The following SLC38A8 variants were observed in gnomAD, a reference collection of about 807,000 sequenced individuals.
SLC38A8 encodes the protein solute carrier family 38 member 8.
A neutral mutation model predicts 46.0 loss-of-function variants in SLC38A8; 65 were observed. That is an observed-to-expected ratio of 1.41 (90% CI 1.16 to 1.74). The LOEUF (loss-of-function observed/expected upper bound fraction) is 1.74. Among genes scored for constraint, SLC38A8 ranks in the 40% most tolerant of loss-of-function variants. The pLI is 0.00. For missense variants in SLC38A8, 998 were observed against 567.9 expected, an observed-to-expected ratio of 1.76 and a Z score of -7.70; for synonymous variants, 447 against 243.7, an observed-to-expected ratio of 1.83 and a Z score of -7.77.
In SLC38A8 at chr16:84,015,894, G is replaced by C. The variant is rs79943912; in HGVS notation, c.1162+625C>G. Among the ~76,000 whole-genome samples, 504 of 152,260 alleles carry C rather than the reference G, an allele frequency of 3.3e-3. 1 individual carries two copies. The highest frequency in any genetic ancestry group is 0.011 in the African/African-American group (477 of 41,560). On this transcript the variant is annotated intron_variant, in intron 9 of 10. Transcript: ENST00000299709. The stretch of plus-strand genomic sequence containing the variant: ...CTAATTTTGTATTTTTAGTAGGCTG[G>C]TCTCGACCTCCTGACCTCAGGTGAT...
chr16:84,012,510 G>A (rs57481249), intron 10 of SLC38A8, among the ~76,000 whole-genome samples: 2 of 152,134 alleles, frequency 1.3e-5, no homozygotes, highest in Admixed American at 6.5e-5. Flanking sequence ...ATCCGGGCCC[G>A]CCTCCTCAGC....
intron 6 of SLC38A8, among the ~76,000 whole-genome samples, chr16:84,028,408 C>T (rs548009369): frequency 4.0e-5 from 6 of 151,868 alleles, no homozygotes; most frequent in Non-Finnish European, 8.8e-5. Flanking sequence ...TAGTGAAACT[C>T]CCTCTGTACT....
intron 2 of SLC38A8, chr16:84,041,276 G>C (rs1267534844): frequency 1.3e-5 from 2 of 152,298 alleles, no homozygotes; most frequent in Admixed American, 6.5e-5. Context: ...GAGTGTGGGA[G>C]TGTCACACCA....
intron 5 of SLC38A8, among the ~76,000 whole-genome samples, chr16:84,031,272 C>T (rs916752891): frequency 6.6e-6 from 1 of 152,070 alleles, no homozygotes; most frequent in Non-Finnish European, 1.5e-5. Flanking sequence ...AACTCCTGAC[C>T]TCAAGTGATC....
rs764878475 is a variant in SLC38A8, at chr16:84,036,841, ACT to A, written c.247_248del (p.Ser83TrpfsTer22). Reference protein sequence around the residue: ...LVILGYAAAVSGQATYQGVVR... With the variant: ...LVILGYAAAVXGQATYQGVVR... ...CCACACCCTGGTAGGTGGCCTGGCC[ACT>A]GACAGCAGCAGCATAGCCCAGGATG... On this transcript the variant is annotated frameshift_variant, in exon 3 of 11. Coordinates refer to ENST00000299709, the MANE Select transcript of SLC38A8 (RefSeq NM_001080442.3). LOFTEE classifies it high-confidence loss of function. 6.2e-7 allele frequency: 1 copy of A among 1,613,738 alleles called. No homozygotes were observed. Among genetic ancestry groups the A allele is most frequent in the African/African-American group, 1.3e-5 (1 of 74,928 alleles).
At chr16:84,017,092 C>G (rs1183249532) in intron 8 of SLC38A8, 48 bp downstream of exon 8, 1 of 1,608,594 alleles carries the variant, frequency 6.2e-7, no homozygotes, top group South Asian at 1.1e-5. Context: ...TCACAGCACA[C>G]ATCAGCAGAC....
chr16:84,025,770 G>A (rs937918607), intron 6 of SLC38A8, among the ~76,000 whole-genome samples: 1 of 152,210 alleles, frequency 6.6e-6, no homozygotes, highest in African/African-American at 2.4e-5. Context: ...AATATAGGAG[G>A]GCACAGTGGC....
At chr16:84,022,016 C>G (rs553449372) in intron 7 of SLC38A8, among the ~76,000 whole-genome samples, 27 of 152,194 alleles carry the variant, frequency 1.8e-4, no homozygotes, top group Non-Finnish European at 3.4e-4. Context: ...ATAGATTAAT[C>G]CATTCTTGAG....
At chr16:84,019,047 G>A (rs1383550707) in intron 7 of SLC38A8, among the ~76,000 whole-genome samples, 1 of 151,954 alleles carries the variant, frequency 6.6e-6, no homozygotes, top group African/African-American at 2.4e-5. Context: ...AGTCAAGTCA[G>A]CTAGCTCTTA....
At chr16:84,036,142 C>T (rs1341571074) in intron 3 of SLC38A8, among the ~76,000 whole-genome samples, 2 of 152,182 alleles carry the variant, frequency 1.3e-5, no homozygotes, top group African/African-American at 2.4e-5. Context: ...AAAAACTCCT[C>T]AATAATTGTC....
chr16:84,016,394 G>T (rs1409142213), intron 9 of SLC38A8, 125 bp downstream of exon 9: 1 of 1,070,532 alleles, frequency 9.3e-7, no homozygotes, highest in Non-Finnish European at 1.3e-6. Flanking sequence ...CACCTACATG[G>T]GGTCTTAATC....
chr16:84,010,940 G>A (rs1567687687), intron 10 of SLC38A8, among the ~76,000 whole-genome samples: 1 of 152,132 alleles, frequency 6.6e-6, no homozygotes, highest in Non-Finnish European at 1.5e-5. Flanking sequence ...CAGCCACCGA[G>A]GCCACATTTG....
At chr16:84,016,475 G>C (rs750468543) in intron 9 of SLC38A8, 44 bp downstream of exon 9, 4 of 1,600,254 alleles carry the variant, frequency 2.5e-6, no homozygotes, top group Admixed American at 1.7e-5. Context: ...GAGATGAGCA[G>C]GGAAGAACAA....
At position 84,036,861 on chromosome 16, in the gene SLC38A8, C is replaced by T. The variant is rs1597278327; in HGVS notation, c.229G>A (p.Gly77Ser). The change falls in exon 3 of 11, where the codon GGC (glycine) becomes AGC (serine). Residue 77 changes from glycine (G) to serine (S), a missense_variant. By Grantham distance (56) the Gly-to-Ser change is moderately conservative. Coordinates refer to ENST00000299709, the MANE Select transcript of SLC38A8 (RefSeq NM_001080442.3). ...VFLISGLVIL[G>S]YAAAVSGQAT... ...TGGCCACTGACAGCAGCAGCATAGC[C>T]CAGGATGACCAGCCCGCTGATCAGG... 5 of 1,613,368 alleles carry T rather than the reference C, an allele frequency of 3.1e-6. No homozygotes were observed. The East Asian group carries it at 8.9e-5, about 29-fold the overall frequency.
At chr16:84,039,271 T>C (rs2085339827) in intron 2 of SLC38A8, among the ~76,000 whole-genome samples, 1 of 152,162 alleles carries the variant, frequency 6.6e-6, no homozygotes, top group South Asian at 2.1e-4. Flanking sequence ...CTACGTTTTG[T>C]GGTAATATGT....
At position 84,031,740 on chromosome 16, in the gene SLC38A8, G is replaced by C. The variant is rs1440055306; in HGVS notation, c.632+127C>G. Reference sequence around the variant, plus strand: ...GCCTTCACCGCATCAGAGACGGAAAGAACTGGAAGGAAGGAGCCCAGGCTC... The same window carrying C: ...GCCTTCACCGCATCAGAGACGGAAACAACTGGAAGGAAGGAGCCCAGGCTC... On this transcript the variant is annotated intron_variant, in intron 5 of 10. Transcript: ENST00000299709. 7.7e-6 allele frequency: 6 copies of C among 775,726 alleles called. No individual in the cohort carries two copies. The Admixed American group carries it at 9.4e-5, about 12-fold the overall frequency. The allele number at this position is 775,726 out of a possible 1,614,324, so 48.1% of individuals were successfully genotyped here. A position where few individuals can be genotyped will look rare whatever the true frequency, so the allele number is the denominator to read the frequency against.
At chr16:84,022,024 G>T (rs1395873852) in intron 7 of SLC38A8, among the ~76,000 whole-genome samples, 1 of 152,160 alleles carries the variant, frequency 6.6e-6, no homozygotes. Flanking sequence ...ATCCATTCTT[G>T]AGGGCAGAGG....
intron 2 of SLC38A8, among the ~76,000 whole-genome samples, chr16:84,038,796 C>T (rs1354121080): frequency 1.3e-5 from 2 of 152,150 alleles, no homozygotes; most frequent in African/African-American, 2.4e-5. Flanking sequence ...GCTACTCCCA[C>T]TCCATCAAGC....
At chr16:84,034,860 A>G (rs34375505) in intron 3 of SLC38A8, among the ~76,000 whole-genome samples, 31,741 of 151,838 alleles carry the variant, frequency 0.21, 3,610 homozygotes, top group South Asian at 0.27. Context: ...CAGGATCCTC[A>G]GGGCCAACAG....
Sources: allele counts gnomAD v4.1 joint callset (sites outside exome capture counted in the v4.1 genomes callset), GRCh38; gene constraint gnomAD v4.1.1; transcripts MANE v1.5; gene names NCBI Gene and HGNC (gene_info 2026-07-23, HGNC 2026-07-21).